Variants in TRPV5 observed in about 807,000 individuals in gnomAD.
TRPV5 encodes the protein calcium transport protein 2.
TRPV5 carries 66 observed loss-of-function variants against 74.1 expected under a neutral mutation model. That is an observed-to-expected ratio of 0.89 (90% confidence interval 0.73 to 1.09). TRPV5 has a LOEUF of 1.09. TRPV5 is among the 50% of genes least tolerant of loss of function. The pLI, the probability that TRPV5 is intolerant of heterozygous loss-of-function variation, is 0.00. For missense variants in TRPV5, 936 were observed against 930.4 expected (o/e 1.01, Z -0.08); for synonymous variants, 399 against 360.7 (o/e 1.11, Z -1.20).
intron 13 of TRPV5, among the ~76,000 whole-genome samples, chr7:142,910,777 T>C (rs1029670217): frequency 1.3e-5 from 2 of 152,228 alleles, no homozygotes; most frequent in African/African-American, 4.8e-5. Flanking sequence ...TCCTGAGCCA[T>C]CATGCAGCCC....
chr7:142,916,908 T>TG (rs1795811065), intron 8 of TRPV5, among the ~76,000 whole-genome samples: 1 of 151,836 alleles, frequency 6.6e-6, no homozygotes, highest in African/African-American at 2.4e-5. Flanking sequence ...TTTTTCTTTT[T>TG]TGGCTTAAAA....
chr7:142,924,265 CAT>C (rs58526667), intron 8 of TRPV5, among the ~76,000 whole-genome samples: 4,099 of 101,902 alleles, frequency 0.04, 200 homozygotes, highest in African/African-American at 0.085. Flanking sequence ...TATATATATA[CAT>C]ATATATATAT....
In TRPV5 at chr7:142,912,583, T is replaced by A. The variant is rs4252499; in HGVS notation, c.1687A>T (p.Thr563Ser). 6.2e-7 allele frequency: 1 copy of A among 1,614,100 alleles called. No homozygotes were observed. ...FMFSIVNFAF[T>S]IIATLLMLNL... Reference sequence around the variant, plus strand: ...AGCATGAGCAGTGTGGCAATGATGGTGAAGGCGAAGTTGACAATGCTGAAC... The same window carrying A: ...AGCATGAGCAGTGTGGCAATGATGGAGAAGGCGAAGTTGACAATGCTGAAC... The change falls in exon 13 of 15, where the codon ACC (threonine) becomes TCC (serine). Residue 563 changes from threonine to serine, a missense_variant. Physicochemically the swap from Thr to Ser is moderately conservative, Grantham distance 58. Coordinates refer to ENST00000265310, the MANE Select transcript of TRPV5 (RefSeq NM_019841.7).
intron 4 of TRPV5, 122 bp downstream of exon 4, chr7:142,929,306 A>T (rs1796043920): frequency 1.3e-6 from 2 of 1,521,714 alleles, no homozygotes; most frequent in African/African-American, 1.4e-5. Context: ...TAAGCCCTAG[A>T]AGGGCTGCCC....
intron 2 of TRPV5, 34 bp downstream of exon 2, chr7:142,930,315 C>T (rs759776762): frequency 3.1e-6 from 5 of 1,608,482 alleles, no homozygotes; most frequent in Non-Finnish European, 2.6e-6. Context: ...GGTTCTTCTG[C>T]CCCCACCTCC....
rs146917598 is a variant in TRPV5 at position 142,910,572 on chromosome 7, T to C, written c.1789-976A>G. 3.9e-3 allele frequency among the ~76,000 whole-genome samples: 590 copies of C among 152,322 alleles called. 3 individuals carry two copies. The highest frequency in any genetic ancestry group is 0.014 in the African/African-American group (574 of 41,576). On this transcript the variant is annotated intron_variant, in intron 13 of 14. Coordinates refer to ENST00000265310, the MANE Select transcript of TRPV5 (RefSeq NM_019841.7). ...GATCAGAACCAGGAAGGCTTCCTAA[T>C]TGAAGGAGTGCAATCTTCAAAATAG... is the stretch of plus-strand genomic sequence containing the variant.
At position 142,908,766 on chromosome 7, in the gene TRPV5, G is replaced by A; in HGVS notation, c.1938C>T (p.Arg646=). The A allele has an allele frequency of 6.2e-7, 1 of 1,613,782 alleles. No homozygotes were observed. Among genetic ancestry groups the A allele is most frequent in the Non-Finnish European group, 8.5e-7 (1 of 1,180,002 alleles). The change falls in exon 15 of 15, where the codon CGC becomes CGT. Residue 646 remains arginine, a synonymous_variant. Transcript: ENST00000265310. ...CTGAGTTCTTGAACACTTCCACATA[G>A]CGAAGCACTCGCAGAGGATTCTGAT... ...HNDQNPLRVL[R]YVEVFKNSDK... is the part of the protein sequence containing the mutation.
chr7:142,920,465 A>G (rs1039954403), intron 8 of TRPV5, among the ~76,000 whole-genome samples: 4 of 152,140 alleles, frequency 2.6e-5, no homozygotes, highest in African/African-American at 9.7e-5. Context: ...GCACTTCTCA[A>G]GCGCCTCTCC....
intron 1 of TRPV5, 56 bp from the exon 2 acceptor site, chr7:142,930,502 G>C: frequency 1.6e-6 from 2 of 1,259,984 alleles, no homozygotes; most frequent in South Asian, 2.4e-5. Flanking sequence ...ATGAGGCCAA[G>C]AGCAAAGGGG....
rs76734744 is a variant in TRPV5 at position 142,914,839 on chromosome 7, G to T, written c.1452+42C>A. The T allele has an allele frequency of 5.6e-4, 910 of 1,612,222 alleles. 5 individuals are homozygous for T. In the African/African-American group the frequency reaches 0.011, roughly 20 times the overall value. The stretch of plus-strand genomic sequence containing the variant: ...TACCTCCATCCCTCTGTCTGTGAAG[G>T]TCTTGTGCCTGAGGCGGAGGAAGCT... On this transcript the variant is annotated intron_variant, in intron 11 of 14. Coordinates refer to ENST00000265310, the MANE Select transcript of TRPV5 (RefSeq NM_019841.7).
rs1563378406 is a variant in TRPV5 at position 142,930,191 on chromosome 7, G to GT, written c.227-12dup. On this transcript the variant is annotated splice_polypyrimidine_tract_variant and intron_variant, in intron 2 of 14. Transcript: ENST00000265310. ...TCTCCCCCAGGGCTCCTGGATTGGA[G>GT]TAAGACAGAGATGTTAGACACTTTT... 11 of 1,611,614 alleles carry GT rather than the reference G, an allele frequency of 6.8e-6. No individual in the cohort carries two copies. Among genetic ancestry groups the GT allele is most frequent in the Non-Finnish European group, 9.3e-6 (11 of 1,179,264 alleles).
At position 142,925,602 on chromosome 7, in the gene TRPV5, C is replaced by T. The variant is rs761716952; in HGVS notation, c.1049G>A (p.Arg350His). The change falls in exon 8 of 15, where the codon CGC (arginine) becomes CAC (histidine). Residue 350 changes from arginine (R) to histidine (H), a missense_variant. Transcript: ENST00000265310. ...MICFTTCCVY[R>H]PLKFRGGNRT... is the part of the protein sequence containing the mutation. ...GTTGCCACCACGAAACTTAAGGGGG[C>T]GGTAGACGCAGCACGTAGTAAAGCA... 12 of 1,614,106 alleles carry T rather than the reference C, an allele frequency of 7.4e-6. No individual in the cohort carries two copies. In the South Asian group the frequency reaches 9.9e-5, roughly 13 times the overall value.
rs769892472 is a variant in TRPV5 at position 142,929,423 on chromosome 7, C to G, written c.487+5G>C. The G allele has an allele frequency of 6.8e-6, 11 of 1,613,602 alleles. No homozygotes were observed. In the East Asian group the frequency reaches 1.8e-4, roughly 26 times the overall value. On this transcript the variant is annotated splice_donor_5th_base_variant and intron_variant, in intron 4 of 14. Coordinates refer to ENST00000265310, the MANE Select transcript of TRPV5 (RefSeq NM_019841.7). ...ACCATCCTTCAAGCCCAACCCTGCT[C>G]TCACCAAAGTAGATGAGGTTGCGGG...
At chr7:142,928,309 A>G in intron 6 of TRPV5, 75 bp from the exon 7 acceptor site, 1 of 1,534,158 alleles carries the variant, frequency 6.5e-7, no homozygotes, top group Non-Finnish European at 9.0e-7. Flanking sequence ...CATTGGATGG[A>G]GCCAGTTGCC....
At position 142,933,622 on chromosome 7, in the gene TRPV5, T is replaced by G. The variant is rs1275493830; in HGVS notation, c.-163A>C. On this transcript the variant is annotated 5_prime_UTR_variant, in exon 1 of 15. Transcript: ENST00000265310. The stretch of plus-strand genomic sequence containing the variant: ...AGCATGCAGCTTGTAGGTGTGTGTG[T>G]GTGCATGCAGTATGTGGGTTGTGGG... 1.1e-6 allele frequency: 1 copy of G among 920,320 alleles called. No homozygotes were observed. The highest frequency in any genetic ancestry group is 1.6e-6 in the Non-Finnish European group (1 of 610,730). The allele number at this position is 920,320 out of a possible 1,614,324, so 57.0% of individuals were successfully genotyped here.
chr7:142,919,937 A>G (rs1389149416), intron 8 of TRPV5, among the ~76,000 whole-genome samples: 1 of 152,184 alleles, frequency 6.6e-6, no homozygotes, highest in Admixed American at 6.5e-5. Context: ...AGACTTGCAA[A>G]GGAATGAAGT....
chr7:142,924,194 G>A (rs149580524), intron 8 of TRPV5, among the ~76,000 whole-genome samples: 357 of 147,450 alleles, frequency 2.4e-3, no homozygotes, highest in African/African-American at 8.5e-3. Flanking sequence ...GTGAGAGGCA[G>A]TGTATCTGGA....
intron 8 of TRPV5, among the ~76,000 whole-genome samples, chr7:142,916,597 T>C (rs73170650): frequency 0.012 from 1,770 of 152,270 alleles, 15 homozygotes; most frequent in Non-Finnish European, 0.02. Context: ...CATCTCCAAA[T>C]AGTGCACCCA....
intron 8 of TRPV5, among the ~76,000 whole-genome samples, chr7:142,916,293 T>A (rs1156826214): frequency 6.6e-6 from 1 of 152,084 alleles, no homozygotes; most frequent in Non-Finnish European, 1.5e-5. Context: ...TCCTGAGCAG[T>A]AGTTGTAGAA....
Sources: allele counts gnomAD v4.1 joint callset (sites outside exome capture counted in the v4.1 genomes callset), GRCh38; gene constraint gnomAD v4.1.1; transcripts MANE v1.5; gene names NCBI Gene and HGNC (gene_info 2026-07-23, HGNC 2026-07-21).